SLC12A8: variants seen among roughly 807,000 people sequenced by gnomAD.
The protein encoded by SLC12A8 is cation-chloride cotransporter 9.
A neutral mutation model predicts 75.6 loss-of-function variants in SLC12A8; 69 were observed. The ratio of observed to expected loss-of-function variants is 0.91; its 90% CI spans 0.75 to 1.11. The LOEUF (loss-of-function observed/expected upper bound fraction) is 1.11. SLC12A8 is among the 50% of genes most tolerant of loss of function. SLC12A8 has a pLI of 0.00. For synonymous variants in SLC12A8, 365 were observed against 372.8 expected, an observed-to-expected ratio of 0.98 and a Z score of 0.24; for missense variants, 877 against 896.7, an observed-to-expected ratio of 0.98 and a Z score of 0.28.
Position 125,125,908 on chromosome 3 carries a change from G to A in SLC12A8, c.737-5222C>T, listed in dbSNP as rs74375577. Reference sequence around the variant, plus strand: ...AAGGCTGAGCTTATCAGTTATAATCGGCGCGATGCATTGGTTTCGCCACAG... The same window carrying A: ...AAGGCTGAGCTTATCAGTTATAATCAGCGCGATGCATTGGTTTCGCCACAG... On this transcript the variant is annotated intron_variant, in intron 6 of 13. Transcript: ENST00000469902. 3.7e-4 allele frequency: 363 copies of A among 983,490 alleles called. 2 individuals are homozygous for A. In the African/African-American group the frequency reaches 5.8e-3, roughly 16 times the overall value. 60.9% of individuals were successfully genotyped at this position (983,490 alleles called of 1,614,324 possible). A position where few individuals can be genotyped will look rare whatever the true frequency, so the allele number is the denominator to read the frequency against.
intron 10 of SLC12A8, among the ~76,000 whole-genome samples, chr3:125,105,182 AC>A (rs755547228): frequency 6.7e-6 from 1 of 148,956 alleles, no homozygotes; most frequent in Non-Finnish European, 1.5e-5. Flanking sequence ...AGATTAGAGA[AC>A]CATTTAAGAA....
intron 5 of SLC12A8, among the ~76,000 whole-genome samples, chr3:125,162,029 C>T (rs1934186646): frequency 6.6e-6 from 1 of 152,246 alleles, no homozygotes; most frequent in Non-Finnish European, 1.5e-5. Context: ...TTGTGCGATC[C>T]TCTGCCATTC....
At chr3:125,203,635 CTAG>C (rs1450610281) in intron 2 of SLC12A8, among the ~76,000 whole-genome samples, 1 of 152,068 alleles carries the variant, frequency 6.6e-6, no homozygotes, top group East Asian at 1.9e-4. Flanking sequence ...TATAAACCTG[CTAG>C]AAGAAAACAT....
intron 4 of SLC12A8, among the ~76,000 whole-genome samples, chr3:125,186,373 C>A (rs897429385): frequency 1.3e-5 from 2 of 152,090 alleles, no homozygotes; most frequent in Non-Finnish European, 2.9e-5. Flanking sequence ...CTGTGCTGTT[C>A]GAGAATCAGA....
intron 10 of SLC12A8, among the ~76,000 whole-genome samples, chr3:125,101,944 T>C (rs1681054382): frequency 6.6e-6 from 1 of 152,126 alleles, no homozygotes; most frequent in Non-Finnish European, 1.5e-5. Flanking sequence ...AGTACAGAGG[T>C]AAAAAGACAT....
Position 125,131,347 on chromosome 3 carries a change from G to A in SLC12A8, c.736+4322C>T, listed in dbSNP as rs115021580. Among the ~76,000 whole-genome samples the A allele has an allele frequency of 3.8e-3, 574 of 152,240 alleles. 9 individuals are homozygous for A. The highest frequency in any genetic ancestry group is 0.013 in the African/African-American group (545 of 41,554). On this transcript the variant is annotated intron_variant, in intron 6 of 13. Coordinates refer to ENST00000469902, the MANE Select transcript of SLC12A8 (RefSeq NM_024628.6). Reference sequence around the variant, plus strand: ...GAAAAACTATCACACAGTTTGTGGGGCCACATAAAAATACAAATGCAGAAT... The same window carrying A: ...GAAAAACTATCACACAGTTTGTGGGACCACATAAAAATACAAATGCAGAAT...
In SLC12A8 at chr3:125,110,314, A is replaced by T; in HGVS notation, c.934T>A (p.Phe312Ile). Residue 312 changes from phenylalanine to isoleucine, a missense_variant, in exon 9 of 14, where the codon TTC (phenylalanine) becomes ATC (isoleucine). Phe to Ile is a conservative substitution (Grantham distance 21). Transcript: ENST00000469902. ...GACGAGATGTATAAGCCCAAAAGGAACAGGAAGCCCATGAGGGATACCTGT... is the reference window on the plus strand; with the variant it reads ...GACGAGATGTATAAGCCCAAAAGGATCAGGAAGCCCATGAGGGATACCTGT... ...AEKVSLMGFL[F>I]LLGLYISSLA... is the part of the protein sequence containing the mutation. 1 of 1,613,806 alleles carries T rather than the reference A, an allele frequency of 6.2e-7. No individual in the cohort carries two copies. The highest frequency in any genetic ancestry group is 8.5e-7 in the Non-Finnish European group (1 of 1,179,852).
intron 5 of SLC12A8, among the ~76,000 whole-genome samples, chr3:125,170,872 G>A (rs988049557): frequency 2.0e-5 from 3 of 152,274 alleles, no homozygotes; most frequent in East Asian, 1.9e-4. Flanking sequence ...CCGAGATCAC[G>A]CCACTGCACT....
In SLC12A8 at chr3:125,108,086, G is replaced by A. The variant is rs1939084596; in HGVS notation, c.1100C>T (p.Thr367Ile). 2 of 1,614,154 alleles carry A rather than the reference G, an allele frequency of 1.2e-6. No individual in the cohort carries two copies. Among genetic ancestry groups the A allele is most frequent in the Non-Finnish European group, 1.7e-6 (2 of 1,180,018 alleles). Residue 367 changes from threonine (T) to isoleucine (I), a missense_variant, in exon 10 of 14, where the codon ACC (threonine) becomes ATC (isoleucine). Transcript: ENST00000469902. Reference sequence around the variant, plus strand: ...AACAAAGGCCATGGTCACCAAGCTGGTCAGGCAGATGGCAGCCACGGGTGT... The same window carrying A: ...AACAAAGGCCATGGTCACCAAGCTGATCAGGCAGATGGCAGCCACGGGTGT... ...NKTPVAAICL[T>I]SLVTMAFVFV...
In SLC12A8 at chr3:125,169,845, C is replaced by T. The variant is rs537115549; in HGVS notation, c.622+7898G>A. Among the ~76,000 whole-genome samples the T allele has an allele frequency of 6.6e-5, 10 of 152,294 alleles. No individual in the cohort carries two copies. The East Asian group carries it at 1.9e-3, about 29-fold the overall frequency. On this transcript the variant is annotated intron_variant, in intron 5 of 13. Transcript: ENST00000469902. ...TTGTGGATGGAACTCCCGATCAGCT[C>T]TGTGGTGCCTCATTACCAACAATGG...
chr3:125,128,536 G>A (rs1388564546), intron 6 of SLC12A8, among the ~76,000 whole-genome samples: 1 of 147,900 alleles, frequency 6.8e-6, no homozygotes, highest in African/African-American at 2.5e-5. Context: ...CTGGAGTGCA[G>A]TGATGCAATC....
intron 10 of SLC12A8, among the ~76,000 whole-genome samples, chr3:125,101,505 T>C (rs1268120292): frequency 6.6e-6 from 1 of 152,236 alleles, no homozygotes; most frequent in East Asian, 1.9e-4. Context: ...TAATACGCTT[T>C]GGAAGGTATG....
chr3:125,084,150 C>A, intron 13 of SLC12A8, 98 bp from the exon 14 acceptor site: 1 of 937,692 alleles, frequency 1.1e-6, no homozygotes, highest in Non-Finnish European at 1.6e-6. Flanking sequence ...TCTGTAAACA[C>A]ACATGTATTT....
At position 125,103,394 on chromosome 3, in the gene SLC12A8, G is replaced by T. The variant is rs988820769; in HGVS notation, c.1705+4087C>A. The stretch of plus-strand genomic sequence containing the variant: ...CCACTCCTCCTTATTCTACAGTAAG[G>T]TGCCCCAATTAACAAGCCCTGCTAA... On this transcript the variant is annotated intron_variant, in intron 10 of 13. Transcript: ENST00000469902. Among the ~76,000 whole-genome samples the T allele has an allele frequency of 2.0e-5, 3 of 150,916 alleles. No homozygotes were observed. In the East Asian group the frequency reaches 5.8e-4, roughly 29 times the overall value.
At chr3:125,162,172 C>T (rs1934189893) in intron 5 of SLC12A8, among the ~76,000 whole-genome samples, 1 of 152,278 alleles carries the variant, frequency 6.6e-6, no homozygotes, top group African/African-American at 2.4e-5. Context: ...CTCCACACCT[C>T]CATGTGGGTT....
At chr3:125,103,459 TAAA>T (rs34404091) in intron 10 of SLC12A8, among the ~76,000 whole-genome samples, 42 of 120,876 alleles carry the variant, frequency 3.5e-4, no homozygotes, top group Non-Finnish European at 3.9e-4. Flanking sequence ...GTACTTCACT[TAAA>T]AAAAAAAAAA....
intron 2 of SLC12A8, among the ~76,000 whole-genome samples, chr3:125,192,921 C>T (rs957904667): frequency 6.6e-6 from 1 of 152,026 alleles, no homozygotes; most frequent in Non-Finnish European, 1.5e-5. Context: ...CTACATAAGC[C>T]CAGCAAGAGA....
chr3:125,173,752 A>G (rs977065436), intron 5 of SLC12A8, among the ~76,000 whole-genome samples: 10 of 152,210 alleles, frequency 6.6e-5, no homozygotes, highest in African/African-American at 1.7e-4. Context: ...TGCAAAACAC[A>G]CATCTGATAA....
intron 10 of SLC12A8, among the ~76,000 whole-genome samples, chr3:125,100,396 T>TTATA (rs1396689500): frequency 6.6e-6 from 1 of 151,866 alleles, no homozygotes; most frequent in Non-Finnish European, 1.5e-5. Flanking sequence ...AGATATGCAA[T>TTATA]TATATATATT....
Sources: allele counts gnomAD v4.1 joint callset (sites outside exome capture counted in the v4.1 genomes callset), GRCh38; gene constraint gnomAD v4.1.1; transcripts MANE v1.5; gene names NCBI Gene and HGNC (gene_info 2026-07-23, HGNC 2026-07-21).